CHN1: variants seen among roughly 807,000 people sequenced by gnomAD.
CHN1 encodes the protein chimerin 1.
CHN1 carries 37 observed loss-of-function variants against 59.5 expected under a neutral mutation model. The ratio of observed to expected loss-of-function variants is 0.62; its 90% CI spans 0.48 to 0.82. CHN1 has a LOEUF of 0.82. Among genes scored for constraint, CHN1 ranks in the 40% least tolerant of loss-of-function variants. The pLI, the probability that CHN1 is intolerant of heterozygous loss-of-function variation, is 0.00. For missense variants in CHN1, 469 were observed against 571.0 expected (o/e 0.82, Z 1.82); for synonymous variants, 206 against 200.4 (o/e 1.03, Z -0.24).
intron 5 of CHN1, among the ~76,000 whole-genome samples, chr2:174,894,180 T>G (rs1329934596): frequency 6.6e-6 from 1 of 152,066 alleles, no homozygotes; most frequent in African/African-American, 2.4e-5. Context: ...AAAGGTAACC[T>G]AGGGAATGGG....
chr2:174,816,217 T>C (rs1452105846), intron 8 of CHN1, among the ~76,000 whole-genome samples: 1 of 152,180 alleles, frequency 6.6e-6, no homozygotes, highest in Non-Finnish European at 1.5e-5. Flanking sequence ...CTGCTTCTAC[T>C]ATAGGGTGGA....
intron 8 of CHN1, among the ~76,000 whole-genome samples, chr2:174,820,790 T>C (rs942688856): frequency 1.3e-5 from 2 of 152,186 alleles, no homozygotes; most frequent in African/African-American, 4.8e-5. Flanking sequence ...TACAGCAACT[T>C]TGCCAGCCTG....
intron 1 of CHN1, among the ~76,000 whole-genome samples, chr2:174,961,736 T>C (rs1690417753): frequency 6.6e-6 from 1 of 152,180 alleles, no homozygotes; most frequent in South Asian, 2.1e-4. Context: ...CTTTAATGTC[T>C]AGCCTAATAC....
At position 174,838,662 on chromosome 2, in the gene CHN1, G is replaced by A. The variant is rs931246619; in HGVS notation, c.627+8218C>T. On this transcript the variant is annotated intron_variant, in intron 7 of 12. Coordinates refer to ENST00000409900, the MANE Select transcript of CHN1 (RefSeq NM_001822.7). ...TTTAGAGTACCAACATGTCTCAAAC[G>A]GGGGAAAAACCAACTCCTGAAGGTT... Among the ~76,000 whole-genome samples, 8 of 151,994 alleles carry A rather than the reference G, an allele frequency of 5.3e-5. No individual in the cohort carries two copies. In the East Asian group the frequency reaches 7.7e-4, roughly 15 times the overall value.
At chr2:174,945,118 C>G (rs1689786128) in intron 2 of CHN1, 175 bp from the exon 3 acceptor site, 1 of 537,216 alleles carries the variant, frequency 1.9e-6, no homozygotes, top group African/African-American at 1.9e-5. Flanking sequence ...ATAGTGAAAG[C>G]CCAGGAGCAA....
intron 2 of CHN1, among the ~76,000 whole-genome samples, chr2:174,949,249 TTTTTCTAAGATCAGAATTTGACAAACACA>T (rs1689944001): frequency 6.6e-6 from 1 of 152,202 alleles, no homozygotes; most frequent in Non-Finnish European, 1.5e-5. Flanking sequence ...TAATCACATT[TTTTTCTAAGATCAGAATTTGACAAACACA>T]TTAACCATCT....
intron 5 of CHN1, among the ~76,000 whole-genome samples, chr2:174,897,969 CT>C (rs1445319563): frequency 1.3e-5 from 2 of 152,204 alleles, no homozygotes. Context: ...CCATTTCTCT[CT>C]TTTTCCTCAG....
intron 1 of CHN1, among the ~76,000 whole-genome samples, chr2:174,992,789 T>G (rs1408133650): frequency 1.3e-5 from 2 of 151,826 alleles, no homozygotes; most frequent in Non-Finnish European, 2.9e-5. Flanking sequence ...TCCCTCTACT[T>G]TTGATATCTA....
At chr2:174,819,908 T>G (rs1256356127) in intron 8 of CHN1, among the ~76,000 whole-genome samples, 2 of 145,808 alleles carry the variant, frequency 1.4e-5, no homozygotes, top group African/African-American at 5.1e-5. Context: ...AGTGAGAACA[T>G]GCAGTGTTTG....
chr2:174,847,333 CT>C (rs1029418847), intron 6 of CHN1: 87 of 1,288,824 alleles, frequency 6.8e-5, no homozygotes, highest in Middle Eastern at 5.9e-4. Context: ...TTCTTTCTTC[CT>C]TTTTTTTTCT....
At chr2:174,846,423 GA>G in intron 7 of CHN1, 1 of 1,537,434 alleles carries the variant, frequency 6.5e-7, no homozygotes, top group Non-Finnish European at 8.8e-7. Flanking sequence ...ATTAACAGGG[GA>G]GAAAAGACAG....
intron 1 of CHN1, among the ~76,000 whole-genome samples, chr2:174,994,671 C>A (rs1183687706): frequency 6.6e-6 from 1 of 152,174 alleles, no homozygotes; most frequent in Non-Finnish European, 1.5e-5. Flanking sequence ...GACGATTATT[C>A]AAGCTGAGTT....
At position 174,877,820 on chromosome 2, in the gene CHN1, G is replaced by A. The variant is rs1458230228; in HGVS notation, c.549+20C>T. 5.6e-6 allele frequency: 9 copies of A among 1,596,192 alleles called. No individual in the cohort carries two copies. Among genetic ancestry groups the A allele is most frequent in the African/African-American group, 4.0e-5 (3 of 74,268 alleles). ...AACCCCAAACAGAAAAAGATAAAGT[G>A]TGGTTTCATAGTAGCTTACCCTTTT... On this transcript the variant is annotated intron_variant, in intron 6 of 12. Coordinates refer to ENST00000409900, the MANE Select transcript of CHN1 (RefSeq NM_001822.7).
chr2:174,874,898 A>G (rs1687518309), intron 6 of CHN1, among the ~76,000 whole-genome samples: 1 of 141,572 alleles, frequency 7.1e-6, no homozygotes, highest in South Asian at 2.2e-4. Flanking sequence ...TTTGAGACGA[A>G]GTTTCACTCT....
chr2:174,937,420 T>C (rs1574187189), intron 3 of CHN1, among the ~76,000 whole-genome samples: 1 of 152,232 alleles, frequency 6.6e-6, no homozygotes, highest in African/African-American at 2.4e-5. Flanking sequence ...TCATTGTAAG[T>C]AAGCATAATT....
At chr2:174,912,031 A>G (rs573985167) in intron 5 of CHN1, among the ~76,000 whole-genome samples, 1 of 152,316 alleles carries the variant, frequency 6.6e-6, no homozygotes, top group Admixed American at 6.5e-5. Context: ...GTGTGAGATG[A>G]GCAACAAAGA....
intron 6 of CHN1, among the ~76,000 whole-genome samples, chr2:174,860,060 TCAAA>T (rs1206286353): frequency 1.3e-5 from 2 of 152,326 alleles, no homozygotes; most frequent in African/African-American, 4.8e-5. Context: ...TATCAGGGCT[TCAAA>T]CAGAGTTACT....
chr2:174,878,304 AAC>A (rs773043090), intron 5 of CHN1, among the ~76,000 whole-genome samples, 176 bp from the exon 6 acceptor site: 9 of 152,234 alleles, frequency 5.9e-5, no homozygotes, highest in Non-Finnish European at 8.8e-5. Context: ...TAAACCTTTG[AAC>A]ACAAAGAATG....
intron 1 of CHN1, among the ~76,000 whole-genome samples, chr2:174,974,089 ATACC>A (rs1226992190): frequency 3.3e-5 from 5 of 152,240 alleles, no homozygotes; most frequent in Admixed American, 6.5e-5. Context: ...AGGACTCAAA[ATACC>A]GTGACAATGC....
Sources: allele counts gnomAD v4.1 joint callset (sites outside exome capture counted in the v4.1 genomes callset), GRCh38; gene constraint gnomAD v4.1.1; transcripts MANE v1.5; gene names NCBI Gene and HGNC (gene_info 2026-07-23, HGNC 2026-07-21).